Variants in WDR72 observed in about 807,000 individuals in gnomAD.
WDR72 encodes the protein WD repeat-containing protein 72.
In WDR72, 120 loss-of-function variants were observed where a neutral mutation model predicts 124.2. That is an observed-to-expected ratio of 0.97 (90% confidence interval 0.83 to 1.12). The LOEUF is 1.12. Among genes scored for constraint, WDR72 ranks in the 50% most tolerant of loss-of-function variants. WDR72 has a pLI of 0.00. For missense variants in WDR72, 1,387 were observed against 1,278.8 expected (o/e 1.08, Z -1.29); for synonymous variants, 452 against 441.7 (o/e 1.02, Z -0.29).
intron 15 of WDR72, among the ~76,000 whole-genome samples, chr15:53,614,839 T>G (rs2013689127): frequency 6.6e-6 from 1 of 152,050 alleles, no homozygotes; most frequent in Non-Finnish European, 1.5e-5. Context: ...ACAGCTAGTG[T>G]AATCTCAACA....
At chr15:53,687,943 C>T (rs1185958874) in intron 13 of WDR72, among the ~76,000 whole-genome samples, 1 of 149,294 alleles carries the variant, frequency 6.7e-6, no homozygotes, top group Non-Finnish European at 1.5e-5. Context: ...AGCATATAAA[C>T]AGAGCCAAAG....
intron 18 of WDR72, among the ~76,000 whole-genome samples, chr15:53,567,701 G>A (rs1489720225): frequency 6.6e-6 from 1 of 151,732 alleles, no homozygotes; most frequent in African/African-American, 2.4e-5. Context: ...TTTTTTATGT[G>A]TTTAAACTGA....
At chr15:53,676,092 TTACCAC>T (rs1279954904) in intron 13 of WDR72, among the ~76,000 whole-genome samples, 2 of 152,144 alleles carry the variant, frequency 1.3e-5, no homozygotes, top group Admixed American at 6.5e-5. Flanking sequence ...CAATACCATA[TTACCAC>T]ACCCAGTGAC....
chr15:53,675,057 T>C (rs2016120746), intron 13 of WDR72, among the ~76,000 whole-genome samples: 1 of 152,182 alleles, frequency 6.6e-6, no homozygotes, highest in Admixed American at 6.5e-5. Context: ...TGATAAGGTA[T>C]CTATTTATTA....
intron 17 of WDR72, among the ~76,000 whole-genome samples, chr15:53,600,772 A>G (rs16966282): frequency 0.14 from 21,240 of 152,100 alleles, 2,332 homozygotes; most frequent in African/African-American, 0.31. Flanking sequence ...GAAAAGCAAC[A>G]TTTCTAGCTG....
intron 1 of WDR72, among the ~76,000 whole-genome samples, chr15:53,752,942 G>GA (rs1279299667): frequency 3.3e-5 from 5 of 151,902 alleles, no homozygotes; most frequent in Non-Finnish European, 7.4e-5. Context: ...AATGAAAGAT[G>GA]AAAAAACACA....
chr15:53,538,519 C>A (rs1219960559), intron 18 of WDR72, among the ~76,000 whole-genome samples: 3 of 152,122 alleles, frequency 2.0e-5, no homozygotes, highest in Non-Finnish European at 4.4e-5. Context: ...TATTAACATT[C>A]TTCTTTTTCA....
intron 2 of WDR72, among the ~76,000 whole-genome samples, chr15:53,729,121 C>G (rs2018126296): frequency 6.6e-6 from 1 of 152,148 alleles, no homozygotes; most frequent in African/African-American, 2.4e-5. Context: ...AACCCTAAAT[C>G]TGGGAAAGAT....
chr15:53,524,016 G>A (rs1482226360), intron 18 of WDR72, among the ~76,000 whole-genome samples: 1 of 152,026 alleles, frequency 6.6e-6, no homozygotes. Flanking sequence ...TTCTGTTTGA[G>A]AAACAGACTG....
At chr15:53,591,069 T>G (rs1368352497) in intron 18 of WDR72, among the ~76,000 whole-genome samples, 3 of 151,988 alleles carry the variant, frequency 2.0e-5, no homozygotes, top group African/African-American at 2.4e-5. Context: ...ACAGCTACCT[T>G]TCCCCACCCC....
At chr15:53,701,982 A>G in intron 12 of WDR72, 152 bp downstream of exon 12, 2 of 509,462 alleles carry the variant, frequency 3.9e-6, no homozygotes, top group Admixed American at 7.4e-5. Flanking sequence ...TTAGAAATAA[A>G]TATATATGAA....
At chr15:53,609,613 C>T in intron 16 of WDR72, 21 bp from the exon 17 acceptor site, 3 of 1,590,232 alleles carry the variant, frequency 1.9e-6, no homozygotes, top group South Asian at 1.1e-5. Context: ...ACAGAACACA[C>T]TTGTATCTTT....
rs565436730 is a variant in WDR72 at position 53,673,326 on chromosome 15, TA to T, written c.1766-7559del. Among the ~76,000 whole-genome samples, 305 of 152,262 alleles carry T rather than the reference TA, an allele frequency of 2.0e-3. 1 individual carries two copies. The highest frequency in any genetic ancestry group is 7.2e-3 in the African/African-American group (299 of 41,550). On this transcript the variant is annotated intron_variant, in intron 13 of 19. Coordinates refer to ENST00000360509, the MANE Select transcript of WDR72 (RefSeq NM_182758.4). ...TATGCTCAAAGGGAGAGAAATAATT[TA>T]AAAAGAAATCATAGTCATTTGATGA...
intron 14 of WDR72, among the ~76,000 whole-genome samples, chr15:53,650,132 T>C (rs1473173770): frequency 2.0e-5 from 3 of 152,116 alleles, no homozygotes; most frequent in Non-Finnish European, 4.4e-5. Flanking sequence ...ATTTCTGCAA[T>C]ATGTGATAAC....
intron 14 of WDR72, among the ~76,000 whole-genome samples, chr15:53,653,866 GT>G (rs1476285579): frequency 3.3e-5 from 5 of 151,742 alleles, no homozygotes; most frequent in African/African-American, 1.2e-4. Context: ...AAATAATAGA[GT>G]TCCTAGTTTA....
At chr15:53,654,326 A>G (rs2015341643) in intron 14 of WDR72, among the ~76,000 whole-genome samples, 1 of 152,214 alleles carries the variant, frequency 6.6e-6, no homozygotes, top group Non-Finnish European at 1.5e-5. Flanking sequence ...TTTGTCTGTG[A>G]ATTAAATACC....
rs533341826 is a variant in WDR72 at position 53,567,118 on chromosome 15, A to C, written c.3148+29961T>G. 2.0e-5 allele frequency among the ~76,000 whole-genome samples: 3 copies of C among 152,104 alleles called. No individual in the cohort carries two copies. The East Asian group carries it at 5.8e-4, about 30-fold the overall frequency. On this transcript the variant is annotated intron_variant, in intron 18 of 19. Transcript: ENST00000360509. ...TCAATGGCAGGGAGAATTCTCCCACACCACCTCGTATAAATCTACAGAGGG... is the reference window on the plus strand; with the variant it reads ...TCAATGGCAGGGAGAATTCTCCCACCCCACCTCGTATAAATCTACAGAGGG...
chr15:53,706,328 G>A (rs2017354453), intron 9 of WDR72, among the ~76,000 whole-genome samples: 1 of 91,688 alleles, frequency 1.1e-5, no homozygotes, highest in South Asian at 3.9e-4. Flanking sequence ...CATGTTATAT[G>A]TGCGTGTGTG....
intron 13 of WDR72, among the ~76,000 whole-genome samples, chr15:53,671,858 G>A (rs534540223): frequency 4.2e-4 from 64 of 151,976 alleles, no homozygotes; most frequent in African/African-American, 1.2e-3. Flanking sequence ...GAAGATGCTA[G>A]TCTAAAGATG....
Sources: gnomAD v4.1 joint callset for allele counts (sites outside exome capture counted in the v4.1 genomes callset) on GRCh38, gnomAD v4.1.1 for gene constraint, MANE v1.5 for transcripts, NCBI Gene and HGNC (gene_info 2026-07-23, HGNC 2026-07-21) for gene names.